CRPPA: variants seen among roughly 807,000 people sequenced by gnomAD.
The protein encoded by CRPPA is CDP-L-ribitol pyrophosphorylase A, also known as D-ribitol-5-phosphate cytidylyltransferase.
CRPPA carries 43 observed loss-of-function variants against 52.0 expected under a neutral mutation model. The ratio of observed to expected loss-of-function variants is 0.83; its 90% CI spans 0.65 to 1.07. The LOEUF is 1.07. Among genes scored for constraint, CRPPA ranks in the 50% least tolerant of loss-of-function variants. The probability of loss-of-function intolerance (pLI) is 0.00; values close to 1 mark genes in which losing one functional copy is unlikely to be tolerated. For synonymous variants in CRPPA, 250 were observed against 203.5 expected (o/e 1.23, Z -1.94); for missense variants, 629 against 551.7 (o/e 1.14, Z -1.40).
intron 3 of CRPPA, among the ~76,000 whole-genome samples, chr7:16,338,973 G>A (rs1050714312): frequency 6.6e-6 from 1 of 151,684 alleles, no homozygotes; most frequent in Non-Finnish European, 1.5e-5. Flanking sequence ...CCGTCACCAC[G>A]CCGGCTAATT....
chr7:16,390,199 CA>C (rs894479099), intron 2 of CRPPA, among the ~76,000 whole-genome samples: 5 of 151,944 alleles, frequency 3.3e-5, no homozygotes, highest in African/African-American at 9.6e-5. Flanking sequence ...CCTGCCTCCT[CA>C]ATTTCCAGAC....
At chr7:16,383,853 G>A (rs1403551496) in intron 2 of CRPPA, among the ~76,000 whole-genome samples, 1 of 152,200 alleles carries the variant, frequency 6.6e-6, no homozygotes, top group Non-Finnish European at 1.5e-5. Context: ...TCGGAAAAGC[G>A]CAGTATTAGG....
chr7:16,330,743 A>AG (rs1208831128), intron 3 of CRPPA, among the ~76,000 whole-genome samples: 1 of 152,130 alleles, frequency 6.6e-6, no homozygotes, highest in African/African-American at 2.4e-5. Flanking sequence ...GAAAATAAAA[A>AG]AAATTGTTTT....
intron 9 of CRPPA, among the ~76,000 whole-genome samples, chr7:16,146,706 C>T (rs1782981150): frequency 6.6e-6 from 1 of 151,048 alleles, no homozygotes; most frequent in South Asian, 2.1e-4. Context: ...ACTGTTATAC[C>T]TATAAGATGT....
chr7:16,105,153 G>T (rs73291844), intron 9 of CRPPA, among the ~76,000 whole-genome samples: 14,352 of 152,078 alleles, frequency 0.094, 869 homozygotes, highest in African/African-American at 0.16. Flanking sequence ...TGGCAAAATG[G>T]GAAGTCTTCT....
chr7:16,141,436 A>C (rs1782868526), intron 9 of CRPPA, among the ~76,000 whole-genome samples: 1 of 152,022 alleles, frequency 6.6e-6, no homozygotes, highest in Non-Finnish European at 1.5e-5. Context: ...ATCCTAATTA[A>C]GATAACAGCT....
chr7:16,414,350 AACACACACACACACACACAC>A (rs3085030), intron 1 of CRPPA, among the ~76,000 whole-genome samples: 2,529 of 138,752 alleles, frequency 0.018, 64 homozygotes, highest in African/African-American at 0.049. Flanking sequence ...CCCCTACCCC[AACACACACACACACACACAC>A]ACACACACAC....
chr7:16,174,655 G>C (rs912945624), intron 9 of CRPPA, among the ~76,000 whole-genome samples: 2 of 150,138 alleles, frequency 1.3e-5, no homozygotes, highest in Non-Finnish European at 3.0e-5. Context: ...TTTTTTTTTT[G>C]GCAGAAAGTA....
intron 9 of CRPPA, among the ~76,000 whole-genome samples, chr7:16,202,526 C>A (rs6461230): frequency 6.6e-6 from 1 of 152,034 alleles, no homozygotes; most frequent in South Asian, 2.1e-4. Context: ...ATAAACCAGA[C>A]AAAAACATCC....
At chr7:16,142,761 G>C (rs1022914823) in intron 9 of CRPPA, among the ~76,000 whole-genome samples, 1 of 152,106 alleles carries the variant, frequency 6.6e-6, no homozygotes, top group Non-Finnish European at 1.5e-5. Flanking sequence ...AAATTCTAAT[G>C]AGGTATTAAT....
intron 8 of CRPPA, among the ~76,000 whole-genome samples, chr7:16,220,000 T>C (rs1434511572): frequency 1.4e-5 from 2 of 142,878 alleles, no homozygotes; most frequent in African/African-American, 5.2e-5. Flanking sequence ...AAAAAGAGAA[T>C]TTTAGACCAA....
intron 9 of CRPPA, among the ~76,000 whole-genome samples, chr7:16,166,930 CTT>C (rs34531146): frequency 0.46 from 63,724 of 139,940 alleles, 14,421 homozygotes; most frequent in East Asian, 0.77. Flanking sequence ...TTCCAACCTA[CTT>C]TTTTTTTTTT....
intron 5 of CRPPA, 55 bp downstream of exon 5, chr7:16,301,366 G>C: frequency 7.0e-7 from 1 of 1,438,768 alleles, no homozygotes; most frequent in Non-Finnish European, 9.7e-7. Flanking sequence ...GAGAAATTCC[G>C]AACTGGCTTA....
At chr7:16,260,361 A>G (rs530188720) in intron 6 of CRPPA, among the ~76,000 whole-genome samples, 1 of 152,124 alleles carries the variant, frequency 6.6e-6, no homozygotes, top group African/African-American at 2.4e-5. Flanking sequence ...TGAGGAGCAG[A>G]TGGGCTGATT....
chr7:16,098,103 G>A (rs1781970292), intron 9 of CRPPA, among the ~76,000 whole-genome samples: 1 of 152,138 alleles, frequency 6.6e-6, no homozygotes, highest in African/African-American at 2.4e-5. Context: ...TTTAAAAAGT[G>A]TAAACAAACT....
At position 16,272,689 on chromosome 7, in the gene CRPPA, AG is replaced by A. The variant is rs1282935322; in HGVS notation, c.933+5439del. Among the ~76,000 whole-genome samples, 9 of 152,362 alleles carry A rather than the reference AG, an allele frequency of 5.9e-5. No homozygotes were observed. In the South Asian group the frequency reaches 1.9e-3, roughly 32 times the overall value. ...ATAAAACTACATAAATCCTTTCCTA[AG>A]GGGATGTCTTTCAGACATTAGGTAT... On this transcript the variant is annotated intron_variant, in intron 6 of 9. Coordinates refer to ENST00000407010, the MANE Select transcript of CRPPA (RefSeq NM_001101426.4).
chr7:16,140,464 C>G lies in CRPPA; in HGVS notation c.1252-48665G>C, dbSNP rs150107827. Among the ~76,000 whole-genome samples the G allele has an allele frequency of 7.2e-5, 11 of 152,282 alleles. No individual in the cohort carries two copies. The East Asian group carries it at 2.1e-3, about 29-fold the overall frequency. On this transcript the variant is annotated intron_variant, in intron 9 of 9. Transcript: ENST00000407010. The stretch of plus-strand genomic sequence containing the variant: ...ACAGGTGTGACCCACTGCGCCCAGT[C>G]CTATACTACTGATTTTTAAGAAGTA...
intron 9 of CRPPA, among the ~76,000 whole-genome samples, chr7:16,200,510 T>C (rs1781826853): frequency 6.6e-6 from 1 of 152,190 alleles, no homozygotes; most frequent in Non-Finnish European, 1.5e-5. Flanking sequence ...ATCCTACAAA[T>C]TCAAAACATT....
intron 3 of CRPPA, among the ~76,000 whole-genome samples, chr7:16,353,213 G>A (rs1786203173): frequency 6.6e-6 from 1 of 151,848 alleles, no homozygotes; most frequent in Non-Finnish European, 1.5e-5. Context: ...AATTAGCCAG[G>A]CATGGTGGCA....
Sources: gnomAD v4.1 joint callset for allele counts (sites outside exome capture counted in the v4.1 genomes callset) on GRCh38, gnomAD v4.1.1 for gene constraint, MANE v1.5 for transcripts, NCBI Gene and HGNC (gene_info 2026-07-23, HGNC 2026-07-21) for gene names.